The following SDCCAG8 variants were observed in gnomAD, a reference collection of about 807,000 sequenced individuals.
SDCCAG8 encodes the protein serologically defined colon cancer antigen 8.
Under a neutral mutation model 101.8 loss-of-function variants are expected in SDCCAG8, and 74 were observed. The ratio of observed to expected loss-of-function variants is 0.73; its 90% confidence interval spans 0.60 to 0.88. SDCCAG8 has a LOEUF of 0.88. Ranked by LOEUF, SDCCAG8 falls within the 40% of genes least tolerant of loss-of-function variation. SDCCAG8 has a pLI of 0.00. For missense variants in SDCCAG8, 787 were observed against 822.6 expected, an observed-to-expected ratio of 0.96 and a Z score of 0.53; for synonymous variants, 281 against 292.9, an observed-to-expected ratio of 0.96 and a Z score of 0.41.
chr1:243,315,138 G>A (rs2149329391), intron 8 of SDCCAG8, among the ~76,000 whole-genome samples: 1 of 152,322 alleles, frequency 6.6e-6, no homozygotes, highest in Non-Finnish European at 1.5e-5. Flanking sequence ...AAAGGTGACT[G>A]TAAGATGCCT....
At chr1:243,408,562 C>G (rs898913244) in intron 13 of SDCCAG8, among the ~76,000 whole-genome samples, 7 of 152,070 alleles carry the variant, frequency 4.6e-5, no homozygotes, top group African/African-American at 1.7e-4. Flanking sequence ...TGGCACACTC[C>G]CATATAGATA....
At chr1:243,379,408 ATTAC>A in intron 13 of SDCCAG8, among the ~76,000 whole-genome samples, 1 of 152,300 alleles carries the variant, frequency 6.6e-6, no homozygotes, top group Middle Eastern at 3.4e-3. Flanking sequence ...GAGGTTTCAA[ATTAC>A]TTCATTTCCA....
intron 17 of SDCCAG8, among the ~76,000 whole-genome samples, chr1:243,499,118 A>G (rs749979572): frequency 1.3e-5 from 2 of 152,216 alleles, no homozygotes; most frequent in African/African-American, 2.4e-5. Flanking sequence ...ACAGTATTCA[A>G]TACTTTCTGA....
intron 13 of SDCCAG8, among the ~76,000 whole-genome samples, chr1:243,382,828 C>A (rs1175630928): frequency 6.6e-6 from 1 of 152,168 alleles, no homozygotes; most frequent in Non-Finnish European, 1.5e-5. Context: ...GAAGTAGTAT[C>A]TTCAGAAGGT....
intron 15 of SDCCAG8, among the ~76,000 whole-genome samples, chr1:243,424,831 T>C (rs1373283796): frequency 6.6e-6 from 1 of 152,118 alleles, no homozygotes; most frequent in African/African-American, 2.4e-5. Context: ...TTCTTTGTGA[T>C]TTTTCTTTTT....
At chr1:243,486,124 C>T (rs1299677566) in intron 16 of SDCCAG8, among the ~76,000 whole-genome samples, 1 of 146,056 alleles carries the variant, frequency 6.8e-6, no homozygotes, top group Non-Finnish European at 1.5e-5. Flanking sequence ...ATTGTTTGAA[C>T]CCGGAGGCGG....
chr1:243,337,415 A>G (rs918906685), intron 10 of SDCCAG8, among the ~76,000 whole-genome samples: 16 of 152,204 alleles, frequency 1.1e-4, no homozygotes, highest in Non-Finnish European at 1.8e-4. Flanking sequence ...CCTGGCTGAC[A>G]TTTGATCTCA....
intron 16 of SDCCAG8, among the ~76,000 whole-genome samples, chr1:243,464,350 T>A (rs1659718110): frequency 6.6e-6 from 1 of 152,152 alleles, no homozygotes; most frequent in Non-Finnish European, 1.5e-5. Flanking sequence ...ACTTGGTAAT[T>A]CTGTCTAGTA....
chr1:243,268,532 A>G (rs2067818337), intron 1 of SDCCAG8, among the ~76,000 whole-genome samples: 2 of 152,198 alleles, frequency 1.3e-5, no homozygotes, highest in African/African-American at 4.8e-5. Flanking sequence ...ATGGAGAAAA[A>G]TATGGTGATA....
chr1:243,459,916 C>CT (rs1360476938), intron 16 of SDCCAG8, among the ~76,000 whole-genome samples: 16 of 151,970 alleles, frequency 1.1e-4, no homozygotes, highest in South Asian at 4.2e-4. Flanking sequence ...TATGCTAATG[C>CT]TTTTTTTTAT....
intron 16 of SDCCAG8, among the ~76,000 whole-genome samples, chr1:243,447,269 A>AC (rs887463660): frequency 1.3e-5 from 2 of 150,860 alleles, no homozygotes; most frequent in Non-Finnish European, 3.0e-5. Context: ...AAAAAAAAAA[A>AC]AAAAAAACCA....
At chr1:243,332,889 A>G (rs1310746221) in intron 10 of SDCCAG8, among the ~76,000 whole-genome samples, 2 of 151,204 alleles carry the variant, frequency 1.3e-5, no homozygotes, top group Admixed American at 1.3e-4. Flanking sequence ...TGATTATCGT[A>G]GTCCAGGTCT....
chr1:243,257,568 A>C (rs1368317652), intron 1 of SDCCAG8, among the ~76,000 whole-genome samples: 1 of 152,220 alleles, frequency 6.6e-6, no homozygotes, highest in Non-Finnish European at 1.5e-5. Context: ...ATTGTTATTT[A>C]TACTTGTTAC....
intron 1 of SDCCAG8, among the ~76,000 whole-genome samples, chr1:243,268,800 T>C (rs2067841768): frequency 6.6e-6 from 1 of 152,246 alleles, no homozygotes; most frequent in South Asian, 2.1e-4. Flanking sequence ...TGTTTATAAA[T>C]GTATTTTTAT....
At chr1:243,357,446 A>G (rs1161792950) in intron 12 of SDCCAG8, among the ~76,000 whole-genome samples, 1 of 152,194 alleles carries the variant, frequency 6.6e-6, no homozygotes, top group Non-Finnish European at 1.5e-5. Context: ...ATGGCCACAT[A>G]TAAAGGATGG....
chr1:243,490,202 T>C (rs916224803), intron 17 of SDCCAG8, among the ~76,000 whole-genome samples: 7 of 152,236 alleles, frequency 4.6e-5, no homozygotes, highest in Non-Finnish European at 7.3e-5. Context: ...CCAAAATCCC[T>C]CTGCCAAACA....
At chr1:243,294,460 T>TC (rs1419233814) in intron 6 of SDCCAG8, among the ~76,000 whole-genome samples, 1 of 53,162 alleles carries the variant, frequency 1.9e-5, no homozygotes, top group Non-Finnish European at 4.7e-5. Context: ...CACCCTCCAC[T>TC]CCCCCCAAAA....
At chr1:243,470,826 G>A (rs1661107214) in intron 16 of SDCCAG8, among the ~76,000 whole-genome samples, 1 of 152,116 alleles carries the variant, frequency 6.6e-6, no homozygotes. Flanking sequence ...TGATTTTAAA[G>A]TCACCATCCT....
intron 14 of SDCCAG8, 100 bp from the exon 15 acceptor site, chr1:243,417,868 T>C: frequency 1.2e-6 from 1 of 821,676 alleles, no homozygotes; most frequent in Non-Finnish European, 2.1e-6. Flanking sequence ...TTATTGGAAA[T>C]GTGTAGGGGT....
Sources: allele counts gnomAD v4.1 joint callset (sites outside exome capture counted in the v4.1 genomes callset), GRCh38; gene constraint gnomAD v4.1.1; transcripts MANE v1.5; gene names NCBI Gene and HGNC (gene_info 2026-07-23, HGNC 2026-07-21).